RGS8: variants seen among roughly 807,000 people sequenced by gnomAD.
RGS8 encodes regulator of G protein signaling 8.
A neutral mutation model predicts 21.7 loss-of-function variants in RGS8; 8 were observed. The observed-to-expected ratio is 0.37, with a 90% CI of 0.22 to 0.66. The LOEUF is 0.66. RGS8 is among the 30% of genes least tolerant of loss of function. The probability of loss-of-function intolerance (pLI) is 0.59; values close to 1 mark genes in which losing one functional copy is unlikely to be tolerated. For missense variants in RGS8, 157 were observed against 217.9 expected (o/e 0.72, Z 1.76); for synonymous variants, 80 against 83.6 (o/e 0.96, Z 0.24).
chr1:182,643,386 T>A (rs1204036110), downstream of RGS8: 1 of 139,184 alleles, frequency 7.2e-6, no homozygotes, highest in Non-Finnish European at 1.5e-5. Context: ...TAAGTTCAGC[T>A]GCACATTGGA....
chr1:182,671,773 G>T, intron 1 of RGS8, 43 bp from the exon 3 acceptor site: 2 of 1,612,576 alleles, frequency 1.2e-6, no homozygotes, highest in Non-Finnish European at 1.7e-6. Flanking sequence ...CAAATCCTCG[G>T]CGAGTGAAGG....
At chr1:182,719,787 C>T in the RGS8 span, among the ~76,000 whole-genome samples, 2 of 151,948 alleles carry the variant, frequency 1.3e-5, no homozygotes, top group East Asian at 1.9e-4. Context: ...TGCAGAGCAA[C>T]CAAAATAAAT....
At chr1:182,748,728 A>G in the RGS8 span, among the ~76,000 whole-genome samples, 1 of 152,210 alleles carries the variant, frequency 6.6e-6, no homozygotes, top group Admixed American at 6.5e-5. Context: ...CTAATAGTAT[A>G]TAAGGGTTCC....
the RGS8 span, among the ~76,000 whole-genome samples, chr1:182,707,659 A>G: frequency 3.3e-5 from 5 of 152,128 alleles, no homozygotes; most frequent in African/African-American, 1.2e-4. Context: ...AATAAATAAC[A>G]TTAGGCATTT....
chr1:182,729,290 T>C, the RGS8 span, among the ~76,000 whole-genome samples: 1 of 152,206 alleles, frequency 6.6e-6, no homozygotes, highest in Non-Finnish European at 1.5e-5. Flanking sequence ...GACTGGTGAA[T>C]TCTAATGGGC....
Position 182,648,315 on chromosome 1 carries a change from G to C in RGS8, c.194-12C>G. ...TGCAGCCACCCCATCTGCGGATGTG[G>C]GAGGAAGAAAAGAAGAGAGATAGGA... On this transcript the variant is annotated splice_polypyrimidine_tract_variant and intron_variant, in intron 5 of 6. Coordinates refer to ENST00000483095, the Ensembl canonical transcript of RGS8. 1 of 1,610,630 alleles carries C rather than the reference G, an allele frequency of 6.2e-7. No homozygotes were observed. Among genetic ancestry groups the C allele is most frequent in the Non-Finnish European group, 8.5e-7 (1 of 1,178,396 alleles).
chr1:182,710,483 A>G, the RGS8 span, among the ~76,000 whole-genome samples: 2 of 152,160 alleles, frequency 1.3e-5, no homozygotes, highest in African/African-American at 4.8e-5. Flanking sequence ...TAAATGACTA[A>G]TAAAATGCTG....
chr1:182,707,280 C>T, the RGS8 span, among the ~76,000 whole-genome samples: 1 of 152,096 alleles, frequency 6.6e-6, no homozygotes, highest in African/African-American at 2.4e-5. Context: ...CAAAGACAAC[C>T]TTTTGTACTT....
chr1:182,661,595 G>A (rs528809591), intron 5 of RGS8, among the ~76,000 whole-genome samples: 23 of 151,480 alleles, frequency 1.5e-4, no homozygotes, highest in Non-Finnish European at 3.1e-4. Context: ...GGAGATGAAG[G>A]GAGCACCAAC....
the RGS8 span, among the ~76,000 whole-genome samples, chr1:182,741,183 G>A: frequency 6.9e-6 from 1 of 144,180 alleles, no homozygotes; most frequent in Non-Finnish European, 1.5e-5. Context: ...CGGGTGGGGG[G>A]CTGACCCCCC....
At chr1:182,671,618 A>T (rs1214574397) in intron 2 of RGS8, 39 bp downstream of exon 3, 1 of 1,565,226 alleles carries the variant, frequency 6.4e-7, no homozygotes, top group African/African-American at 1.4e-5. Context: ...GCACACAGAC[A>T]CCCCGGAGAA....
At chr1:182,701,387 A>G in the RGS8 span, among the ~76,000 whole-genome samples, 4 of 152,364 alleles carry the variant, frequency 2.6e-5, no homozygotes, top group African/African-American at 7.2e-5. Context: ...ATTTCAGGCC[A>G]GGTCAAAGGC....
the RGS8 span, among the ~76,000 whole-genome samples, chr1:182,727,958 T>C: frequency 6.6e-6 from 1 of 152,234 alleles, no homozygotes; most frequent in Non-Finnish European, 1.5e-5. Flanking sequence ...AAGGGATTTT[T>C]TAATTCCAAG....
the RGS8 span, among the ~76,000 whole-genome samples, chr1:182,695,718 T>C: frequency 6.6e-6 from 1 of 152,230 alleles, no homozygotes; most frequent in Non-Finnish European, 1.5e-5. Context: ...TGATAGACAA[T>C]GCAGAAGCAA....
chr1:182,672,272 T>A (rs1020589621), upstream of RGS8: 2 of 176,684 alleles, frequency 1.1e-5, no homozygotes, highest in Non-Finnish European at 2.4e-5. Flanking sequence ...AGACAGCTGC[T>A]GACAGCAGGA....
At chr1:182,750,689 T>C in the RGS8 span, among the ~76,000 whole-genome samples, 1 of 152,202 alleles carries the variant, frequency 6.6e-6, no homozygotes, top group Non-Finnish European at 1.5e-5. Context: ...GCAACATAAA[T>C]GCATTGAATA....
At chr1:182,704,895 C>A in the RGS8 span, among the ~76,000 whole-genome samples, 7 of 152,172 alleles carry the variant, frequency 4.6e-5, no homozygotes. Context: ...CCACACGTGC[C>A]CATCTGTGCA....
intron 5 of RGS8, among the ~76,000 whole-genome samples, chr1:182,659,376 A>C: frequency 6.6e-6 from 1 of 152,236 alleles, no homozygotes; most frequent in Non-Finnish European, 1.5e-5. Flanking sequence ...TTTAGCATTC[A>C]CGAAGGAATC....
chr1:182,667,734 T>C (rs1375368990), intron 3 of RGS8, among the ~76,000 whole-genome samples: 1 of 152,230 alleles, frequency 6.6e-6, no homozygotes, highest in African/African-American at 2.4e-5. Context: ...TATAATGACA[T>C]CAGGCACTTA....
Sources: allele counts gnomAD v4.1 joint callset (sites outside exome capture counted in the v4.1 genomes callset), GRCh38; gene constraint gnomAD v4.1.1; transcripts MANE v1.5; gene names NCBI Gene and HGNC (gene_info 2026-07-23, HGNC 2026-07-21).